MGAT4A: variants seen among roughly 807,000 people sequenced by gnomAD.
MGAT4A encodes the protein alpha-1,3-mannosyl-glycoprotein 4-beta-N-acetylglucosaminyltransferase A, also known as N-acetylglucosaminyltransferase IVa.
Under a neutral mutation model 74.1 loss-of-function variants are expected in MGAT4A, and 33 were observed. That is an observed-to-expected ratio of 0.45 (90% CI 0.34 to 0.60). MGAT4A has a LOEUF of 0.60. MGAT4A is among the 20% of genes least tolerant of loss of function. MGAT4A has a pLI of 0.02. For synonymous variants in MGAT4A, 198 were observed against 210.4 expected, an observed-to-expected ratio of 0.94 and a Z score of 0.51; for missense variants, 479 against 628.3, an observed-to-expected ratio of 0.76 and a Z score of 2.54.
chr2:98,683,025 T>C (rs1470444826), intron 2 of MGAT4A, among the ~76,000 whole-genome samples: 1 of 150,884 alleles, frequency 6.6e-6, no homozygotes. Flanking sequence ...GAGGCGGAGG[T>C]TGCAGTGAGC....
At position 98,726,319 on chromosome 2, in the gene MGAT4A, T is replaced by C. The variant is rs577461618; in HGVS notation, c.14A>G (p.Asn5Ser). 5.6e-6 allele frequency: 9 copies of C among 1,613,700 alleles called. No individual in the cohort carries two copies. The highest frequency in any genetic ancestry group is 4.5e-5 in the East Asian group (2 of 44,900). MRLR[N>S]GTVATALAFI... ...TGCTAAAGCAGTGGCTACAGTTCCATTGCGGAGCCTCATCTCATTTCACCA... is the reference window on the plus strand; with the variant it reads ...TGCTAAAGCAGTGGCTACAGTTCCACTGCGGAGCCTCATCTCATTTCACCA... The change falls in exon 2 of 16, where the codon AAT (asparagine) becomes AGT (serine). Residue 5 changes from asparagine to serine, a missense_variant. Transcript: ENST00000393487.
intron 7 of MGAT4A, 138 bp downstream of exon 7, chr2:98,656,214 T>A: frequency 1.5e-6 from 1 of 682,044 alleles, no homozygotes; most frequent in South Asian, 1.7e-5. Context: ...TTCCAAGCGG[T>A]CCTGGACTTA....
In MGAT4A at chr2:98,726,169, C is replaced by T. The variant is rs752641370; in HGVS notation, c.94+70G>A. The stretch of plus-strand genomic sequence containing the variant: ...AGATTGCCAGGGTATTTGACCTAAG[C>T]ATTTAGGCACCTTAACCAAGCAAAA... On this transcript the variant is annotated intron_variant, in intron 2 of 15. Transcript: ENST00000393487. 3.5e-6 allele frequency: 4 copies of T among 1,154,944 alleles called. No individual in the cohort carries two copies. In the Admixed American group the frequency reaches 7.8e-5, roughly 23 times the overall value. The allele number at this position is 1,154,944 out of a possible 1,614,324, so 71.5% of individuals were successfully genotyped here. A position where few individuals can be genotyped will look rare whatever the true frequency, so the allele number is the denominator to read the frequency against.
intron 6 of MGAT4A, 91 bp from the exon 7 acceptor site, chr2:98,656,556 C>A: frequency 1.2e-6 from 1 of 804,310 alleles, no homozygotes; most frequent in Non-Finnish European, 2.0e-6. Context: ...TAAAACACAT[C>A]AGTAATCATT....
chr2:98,642,000 A>AC (rs1701418668), intron 10 of MGAT4A, among the ~76,000 whole-genome samples: 1 of 151,998 alleles, frequency 6.6e-6, no homozygotes, highest in Non-Finnish European at 1.5e-5. Context: ...TGTCTCAAAA[A>AC]AAAAAAAAAA....
intron 2 of MGAT4A, chr2:98,695,398 C>A (rs1016933981): frequency 3.2e-5 from 7 of 222,042 alleles, no homozygotes; most frequent in Admixed American, 2.9e-4. Flanking sequence ...AGACAGCCCC[C>A]TCATCATGCA....
At chr2:98,716,897 T>C (rs1702600557) in intron 2 of MGAT4A, among the ~76,000 whole-genome samples, 1 of 152,116 alleles carries the variant, frequency 6.6e-6, no homozygotes, top group Non-Finnish European at 1.5e-5. Context: ...TTTTAGGGAA[T>C]AATGACCAAA....
rs115136565 is a variant in MGAT4A, at chr2:98,715,226, G to A, written c.94+11013C>T. Among the ~76,000 whole-genome samples, 927 of 149,632 alleles carry A rather than the reference G, an allele frequency of 6.2e-3. 9 individuals are homozygous for A. The highest frequency in any genetic ancestry group is 0.021 in the African/African-American group (860 of 40,666). ...CCAGCTACTCAGGTGGTGGAGGCAC[G>A]AGAATCATTTGAATCCGAGAGGCAG... On this transcript the variant is annotated intron_variant, in intron 2 of 15. Coordinates refer to ENST00000393487, the MANE Select transcript of MGAT4A (RefSeq NM_012214.3).
intron 2 of MGAT4A, among the ~76,000 whole-genome samples, chr2:98,685,966 TCTC>T (rs1371675558): frequency 6.6e-6 from 1 of 152,080 alleles, no homozygotes; most frequent in Non-Finnish European, 1.5e-5. Context: ...ACCAGTTCCT[TCTC>T]CTCTCCCTTC....
chr2:98,651,555 TGAATATACACAAAAG>T lies in MGAT4A; in HGVS notation c.774+3875_774+3889del, dbSNP rs567794503. Among the ~76,000 whole-genome samples, 697 of 152,258 alleles carry T rather than the reference TGAATATACACAAAAG, an allele frequency of 4.6e-3. 3 individuals carry two copies. Among genetic ancestry groups the T allele is most frequent in the Middle Eastern group, 0.02 (6 of 294 alleles). On this transcript the variant is annotated intron_variant, in intron 8 of 15. Coordinates refer to ENST00000393487, the MANE Select transcript of MGAT4A (RefSeq NM_012214.3). ...TGGTAACTACAAAATGAGTATCTAT[TGAATATACACAAAAG>T]GAAATAGAAAGGGAATCAAAATACG...
At chr2:98,685,677 C>G (rs1380987931) in intron 2 of MGAT4A, among the ~76,000 whole-genome samples, 1 of 152,166 alleles carries the variant, frequency 6.6e-6, no homozygotes, top group African/African-American at 2.4e-5. Flanking sequence ...GAATGGATAG[C>G]TAAAACTTAC....
chr2:98,635,013 C>T (rs1006538929), intron 14 of MGAT4A, among the ~76,000 whole-genome samples: 1 of 151,974 alleles, frequency 6.6e-6, no homozygotes, highest in Non-Finnish European at 1.5e-5. Context: ...ACACACAGCA[C>T]GGAAGGAGCG....
At chr2:98,668,409 G>A (rs888167876) in intron 4 of MGAT4A, among the ~76,000 whole-genome samples, 8 of 152,258 alleles carry the variant, frequency 5.3e-5, no homozygotes, top group Non-Finnish European at 1.0e-4. Context: ...CAGCTTCCAT[G>A]TGGTGTTGAG....
chr2:98,726,163 C>T (rs754745776), intron 2 of MGAT4A, 76 bp downstream of exon 2: 1 of 1,052,814 alleles, frequency 9.5e-7, no homozygotes, highest in Middle Eastern at 2.1e-4. Context: ...GGGTATTTGA[C>T]CTAAGCATTT....
At chr2:98,710,523 G>A (rs139807042) in intron 2 of MGAT4A, among the ~76,000 whole-genome samples, 1,565 of 152,202 alleles carry the variant, frequency 0.01, 27 homozygotes, top group African/African-American at 0.036. Flanking sequence ...GCAGTGGCCC[G>A]AACTCGGCTC....
intron 2 of MGAT4A, among the ~76,000 whole-genome samples, chr2:98,709,959 C>T (rs1378196954): frequency 6.6e-6 from 1 of 152,178 alleles, no homozygotes; most frequent in Non-Finnish European, 1.5e-5. Flanking sequence ...CTGGAGTTCA[C>T]CAACACAGAG....
chr2:98,673,267 G>A (rs573175104), intron 4 of MGAT4A, among the ~76,000 whole-genome samples: 9 of 152,224 alleles, frequency 5.9e-5, no homozygotes, highest in Admixed American at 5.9e-4. Context: ...CTGGAAAACA[G>A]AATTTTTAGC....
At chr2:98,722,350 C>T (rs4850884) in intron 2 of MGAT4A, among the ~76,000 whole-genome samples, 1 of 152,170 alleles carries the variant, frequency 6.6e-6, no homozygotes, top group South Asian at 2.1e-4. Context: ...TTTCTGTGTA[C>T]GTGAAGCAAC....
In MGAT4A at chr2:98,621,627, C is replaced by A. The variant is rs553145195; in HGVS notation, c.*3939G>T. The A allele has an allele frequency of 1.3e-6, 2 of 1,486,832 alleles. No individual in the cohort carries two copies. Among genetic ancestry groups the A allele is most frequent in the Non-Finnish European group, 1.8e-6 (2 of 1,115,376 alleles). 92.1% of individuals were successfully genotyped at this position (1,486,832 alleles called of 1,614,324 possible). A position where few individuals can be genotyped will look rare whatever the true frequency, so the allele number is the denominator to read the frequency against. On this transcript the variant is annotated 3_prime_UTR_variant, in exon 16 of 16. Coordinates refer to ENST00000393487, the MANE Select transcript of MGAT4A (RefSeq NM_012214.3). ...ATGCTCAAAGTGGGAGGATATTATA[C>A]AAGGTCATTGGTGGGGGTGTCAGTA...
Sources: allele counts gnomAD v4.1 joint callset (sites outside exome capture counted in the v4.1 genomes callset), GRCh38; gene constraint gnomAD v4.1.1; transcripts MANE v1.5; gene names NCBI Gene and HGNC (gene_info 2026-07-23, HGNC 2026-07-21).